RAB3C: variants seen among roughly 807,000 people sequenced by gnomAD.
RAB3C encodes the protein RAB3C, member RAS oncogene family.
In RAB3C, 17 loss-of-function variants were observed where a neutral mutation model predicts 26.4. The ratio of observed to expected loss-of-function variants is 0.64; its 90% CI spans 0.44 to 0.97. The LOEUF is 0.97. Among genes scored for constraint, RAB3C ranks in the 50% least tolerant of loss-of-function variants. The pLI, the probability that RAB3C is intolerant of heterozygous loss-of-function variation, is 0.00. For synonymous variants in RAB3C, 91 were observed against 95.9 expected, an observed-to-expected ratio of 0.95 and a Z score of 0.30; for missense variants, 242 against 281.9, an observed-to-expected ratio of 0.86 and a Z score of 1.01.
chr5:58,587,472 A>G (rs1234629630), intron 1 of RAB3C, among the ~76,000 whole-genome samples: 8 of 152,154 alleles, frequency 5.3e-5, no homozygotes, highest in African/African-American at 1.7e-4. Context: ...AGGTCAGTCT[A>G]TTACCAAGGA....
chr5:58,839,389 A>T, intron 4 of RAB3C, among the ~76,000 whole-genome samples: 1 of 133,318 alleles, frequency 7.5e-6, no homozygotes, highest in African/African-American at 2.9e-5. Context: ...TTATTTTTTG[A>T]GACAGAGTTT....
rs184762070 is a variant in RAB3C at position 58,832,703 on chromosome 5, C to T, written c.496+7541C>T. ...TCACACTGTGGAGACAATGTCTGAA[C>T]CATGTCTTGAAGTATGAATAGGATT... On this transcript the variant is annotated intron_variant, in intron 4 of 4. Transcript: ENST00000282878. 3.1e-4 allele frequency among the ~76,000 whole-genome samples: 47 copies of T among 152,266 alleles called. 1 individual carries two copies. Among genetic ancestry groups the T allele is most frequent in the Admixed American group, 5.2e-4 (8 of 15,300 alleles).
chr5:58,833,596 A>G (rs1423803003), intron 4 of RAB3C, among the ~76,000 whole-genome samples: 1 of 152,194 alleles, frequency 6.6e-6, no homozygotes, highest in African/African-American at 2.4e-5. Flanking sequence ...TGAGTAACAG[A>G]TTAAAATCAT....
At chr5:58,810,370 T>TCTCTCTCG (rs1743043166) in intron 3 of RAB3C, among the ~76,000 whole-genome samples, 1 of 127,954 alleles carries the variant, frequency 7.8e-6, no homozygotes, top group African/African-American at 2.7e-5. Flanking sequence ...GTGTGCTCTC[T>TCTCTCTCG]CTCTCTCTCT....
At chr5:58,827,445 G>A in intron 4 of RAB3C, among the ~76,000 whole-genome samples, 1 of 152,190 alleles carries the variant, frequency 6.6e-6, no homozygotes, top group Non-Finnish European at 1.5e-5. Context: ...GCAGGCAACT[G>A]GCTAAATTTT....
At chr5:58,723,267 A>G (rs1740813794) in intron 2 of RAB3C, among the ~76,000 whole-genome samples, 1 of 151,734 alleles carries the variant, frequency 6.6e-6, no homozygotes, top group Non-Finnish European at 1.5e-5. Context: ...CCTGTTCTAC[A>G]TTATTTCTGC....
intron 1 of RAB3C, among the ~76,000 whole-genome samples, chr5:58,593,296 T>A (rs1357966683): frequency 6.6e-6 from 1 of 152,158 alleles, no homozygotes; most frequent in Admixed American, 6.5e-5. Context: ...AGACAGATAT[T>A]AACTCTTGGG....
At chr5:58,672,111 C>T (rs6886323) in intron 2 of RAB3C, among the ~76,000 whole-genome samples, 2,777 of 152,126 alleles carry the variant, frequency 0.018, 65 homozygotes, top group African/African-American at 0.063. Context: ...GGGTTACTAA[C>T]GAAAACAAAA....
intron 2 of RAB3C, among the ~76,000 whole-genome samples, chr5:58,688,480 T>C (rs1476716607): frequency 6.6e-6 from 1 of 152,144 alleles, no homozygotes; most frequent in Non-Finnish European, 1.5e-5. Context: ...ATTCAGGGCA[T>C]AGTCTATCCC....
intron 3 of RAB3C, chr5:58,823,089 C>A: frequency 2.0e-6 from 1 of 502,132 alleles, no homozygotes; most frequent in Non-Finnish European, 3.8e-6. Flanking sequence ...AATGCAGAAG[C>A]GCATGGGAAA....
At position 58,738,524 on chromosome 5, in the gene RAB3C, A is replaced by G. The variant is rs374952682; in HGVS notation, c.371+12404A>G. Among the ~76,000 whole-genome samples the G allele has an allele frequency of 3.4e-5, 5 of 145,808 alleles. No homozygotes were observed. In the East Asian group the frequency reaches 8.6e-4, roughly 25 times the overall value. On this transcript the variant is annotated intron_variant, in intron 3 of 4. Coordinates refer to ENST00000282878, the MANE Select transcript of RAB3C (RefSeq NM_138453.4). ...GAAGGAGCTAAGAGAATAGAGAGAG[A>G]CACTTGTCCTCTATGACTTTGTGTT... is the stretch of plus-strand genomic sequence containing the variant.
chr5:58,601,193 C>T (rs1389031078), intron 1 of RAB3C, among the ~76,000 whole-genome samples: 1 of 152,016 alleles, frequency 6.6e-6, no homozygotes, highest in Admixed American at 6.6e-5. Flanking sequence ...TGGTATGAAA[C>T]CCTCTTGATC....
chr5:58,652,318 G>C (rs1434543653), intron 2 of RAB3C, among the ~76,000 whole-genome samples: 2 of 151,454 alleles, frequency 1.3e-5, no homozygotes, highest in Non-Finnish European at 2.9e-5. Context: ...TAAATTGATT[G>C]TAGATGCTAT....
intron 4 of RAB3C, among the ~76,000 whole-genome samples, chr5:58,828,498 T>G (rs1743539075): frequency 6.6e-6 from 1 of 152,220 alleles, no homozygotes; most frequent in South Asian, 2.1e-4. Context: ...CACCCTCCCT[T>G]GGATGTTTCC....
intron 2 of RAB3C, among the ~76,000 whole-genome samples, chr5:58,673,326 AAAAC>A (rs1279218724): frequency 1.3e-5 from 2 of 152,164 alleles, no homozygotes; most frequent in African/African-American, 4.8e-5. Flanking sequence ...AACCTGATCC[AAAAC>A]AAAATTTTCA....
In RAB3C at chr5:58,818,273, T is replaced by G. The variant is rs1280978561; in HGVS notation, c.372-6765T>G. ...ATTGTAGAAATGTGGTTTGTTCACT[T>G]GTTTATAGCTCTTCAGACTTAAATT... On this transcript the variant is annotated intron_variant, in intron 3 of 4. Coordinates refer to ENST00000282878, the MANE Select transcript of RAB3C (RefSeq NM_138453.4). 3.9e-5 allele frequency among the ~76,000 whole-genome samples: 6 copies of G among 152,214 alleles called. 1 individual carries two copies. Among genetic ancestry groups the G allele is most frequent in the African/African-American group, 1.4e-4 (6 of 41,464 alleles).
intron 2 of RAB3C, among the ~76,000 whole-genome samples, chr5:58,620,939 C>G (rs389543): frequency 0.19 from 28,989 of 151,354 alleles, 3,058 homozygotes; most frequent in Admixed American, 0.28. Context: ...TCCAGGAATC[C>G]TTGCATTATG....
At chr5:58,693,351 T>TATATATATATATACATAC (rs1561291411) in intron 2 of RAB3C, among the ~76,000 whole-genome samples, 2 of 143,758 alleles carry the variant, frequency 1.4e-5, no homozygotes, top group African/African-American at 2.6e-5. Context: ...TATATATATA[T>TATATATATATATACATAC]ATATATATAT....
chr5:58,674,321 G>C (rs964269552), intron 2 of RAB3C, among the ~76,000 whole-genome samples: 2 of 152,200 alleles, frequency 1.3e-5, no homozygotes, highest in African/African-American at 4.8e-5. Context: ...TTTAGAGCTT[G>C]AGTCATTGCT....
Sources: allele counts gnomAD v4.1 joint callset (sites outside exome capture counted in the v4.1 genomes callset), GRCh38; gene constraint gnomAD v4.1.1; transcripts MANE v1.5; gene names NCBI Gene and HGNC (gene_info 2026-07-23, HGNC 2026-07-21).